RPS6KA2: variants seen among roughly 807,000 people sequenced by gnomAD.
RPS6KA2 encodes ribosomal protein S6 kinase A2.
A neutral mutation model predicts 91.8 loss-of-function variants in RPS6KA2; 42 were observed. That is an observed-to-expected ratio of 0.46 (90% confidence interval 0.36 to 0.59). The LOEUF is 0.59. Ranked by LOEUF, RPS6KA2 falls within the 20% of genes least tolerant of loss-of-function variation. The pLI, the probability that RPS6KA2 is intolerant of heterozygous loss-of-function variation, is 0.00. For missense variants in RPS6KA2, 798 were observed against 978.5 expected (o/e 0.82, Z 2.46); for synonymous variants, 414 against 393.6 (o/e 1.05, Z -0.61).
At chr6:166,768,295 T>G (rs1331415733) in intron 2 of RPS6KA2, among the ~76,000 whole-genome samples, 1 of 152,222 alleles carries the variant, frequency 6.6e-6, no homozygotes, top group East Asian at 1.9e-4. Flanking sequence ...AAAAGTGATT[T>G]TTTTATAAAG....
chr6:166,701,997 G>A, intron 2 of RPS6KA2: 1 of 1,003,204 alleles, frequency 1.0e-6, no homozygotes, highest in Non-Finnish European at 1.6e-6. Flanking sequence ...ATCTTCAAGG[G>A]GATCTCTTCT....
chr6:166,862,483 C>T (rs1045599493), exon 1 of RPS6KA2: 3 of 779,096 alleles, frequency 3.9e-6, no homozygotes, highest in South Asian at 2.1e-5. Context: ...AAGGAGGGGA[C>T]GGCGCTGCGG....
rs116378179 is a variant in RPS6KA2 at position 166,409,940 on chromosome 6, C to A, written c.*2822G>T. ...AGTTAGTTTAAAATCACAGACAAAT[C>A]GGACTTGAGGGTAAAAGTGAAATCC... On this transcript the variant is annotated 3_prime_UTR_variant, in exon 21 of 21. Coordinates refer to ENST00000265678, the MANE Select transcript of RPS6KA2 (RefSeq NM_021135.6). 423 of 152,326 alleles carry A rather than the reference C, an allele frequency of 2.8e-3. No individual in the cohort carries two copies. Among genetic ancestry groups the A allele is most frequent in the African/African-American group, 9.8e-3 (407 of 41,542 alleles). 9.4% of individuals were successfully genotyped at this position (152,326 alleles called of 1,614,324 possible).
chr6:166,793,068 CCT>C (rs1194615692), intron 2 of RPS6KA2, among the ~76,000 whole-genome samples: 3 of 151,906 alleles, frequency 2.0e-5, no homozygotes, highest in African/African-American at 7.3e-5. Context: ...TCAAATTGTC[CCT>C]GTTTGCAGAT....
intron 2 of RPS6KA2, among the ~76,000 whole-genome samples, chr6:166,652,723 C>T (rs1406741744): frequency 2.0e-5 from 3 of 152,114 alleles, no homozygotes; most frequent in East Asian, 1.9e-4. Flanking sequence ...TAATTTCAGG[C>T]GGGGCCCAGA....
At chr6:166,715,426 TG>T (rs1789982126) in intron 2 of RPS6KA2, among the ~76,000 whole-genome samples, 1 of 152,166 alleles carries the variant, frequency 6.6e-6, no homozygotes, top group Non-Finnish European at 1.5e-5. Flanking sequence ...CAAAAAATGC[TG>T]GGTGAGAAGA....
rs545208319 is a variant in RPS6KA2, at chr6:166,679,886, G to A, written c.124-141102C>T. ...CCAGCGCCTGCTGGGCTTGATGGGG[G>A]ACGAGCTCCCTCTGGGCTGCAGGAG... On this transcript the variant is annotated intron_variant, in intron 2 of 21. Coordinates refer to the RPS6KA2 transcript ENST00000503859. Among the ~76,000 whole-genome samples, 4 of 152,384 alleles carry A rather than the reference G, an allele frequency of 2.6e-5. No individual in the cohort carries two copies. In the East Asian group the frequency reaches 5.8e-4, roughly 22 times the overall value.
intron 2 of RPS6KA2, among the ~76,000 whole-genome samples, chr6:166,658,110 G>A (rs778509774): frequency 7.2e-5 from 11 of 152,144 alleles, no homozygotes; most frequent in Non-Finnish European, 1.5e-4. Context: ...TTAAACTCCC[G>A]ACCTCAGGTG....
rs775624343 is a variant in RPS6KA2, at chr6:166,660,764, C to T, written c.124-121980G>A. Among the ~76,000 whole-genome samples the T allele has an allele frequency of 1.4e-4, 22 of 152,116 alleles. 1 individual carries two copies. The highest frequency in any genetic ancestry group is 8.3e-4 in the South Asian group (4 of 4,828). ...TAGTGCTGTCTAGCAGGCGTTTCCT[C>T]GGGTTTTCTGACGGCTGCATAATAT... On this transcript the variant is annotated intron_variant, in intron 2 of 21. Coordinates refer to the RPS6KA2 transcript ENST00000503859.
intron 1 of RPS6KA2, among the ~76,000 whole-genome samples, chr6:166,550,100 T>C (rs1287455030): frequency 6.6e-6 from 1 of 152,178 alleles, no homozygotes; most frequent in Non-Finnish European, 1.5e-5. Flanking sequence ...AGGAAAAATA[T>C]TTATGGAAAA....
In RPS6KA2 at chr6:166,660,359, CGTGTGTGCAT is replaced by C. The variant is rs530740466; in HGVS notation, c.124-121585_124-121576del. On this transcript the variant is annotated intron_variant, in intron 2 of 21. Coordinates refer to the RPS6KA2 transcript ENST00000503859. ...GTGTGTGCGGGTTGGTGTGTGCGTG[CGTGTGTGCAT>C]GTGTGTGCATGTGTATGGGCATGCG... 3.5e-3 allele frequency among the ~76,000 whole-genome samples: 459 copies of C among 129,652 alleles called. 2 individuals are homozygous for C. Among genetic ancestry groups the C allele is most frequent in the South Asian group, 0.012 (48 of 4,164 alleles). 85.1% of individuals were successfully genotyped at this position (129,652 alleles called of 152,430 possible). A position where few individuals can be genotyped will look rare whatever the true frequency, so the allele number is the denominator to read the frequency against.
intron 3 of RPS6KA2, among the ~76,000 whole-genome samples, chr6:166,526,449 AATCCTCCCACCTC>A (rs899689138): frequency 2.0e-5 from 3 of 149,052 alleles, no homozygotes; most frequent in African/African-American, 5.0e-5. Context: ...GGGCTTAAGC[AATCCTCCCACCTC>A]AGCCTCCCAA....
intron 1 of RPS6KA2, among the ~76,000 whole-genome samples, chr6:166,546,183 CAT>C (rs1783821245): frequency 6.6e-6 from 1 of 152,148 alleles, no homozygotes; most frequent in African/African-American, 2.4e-5. Flanking sequence ...TACTGACTGA[CAT>C]GAGTGTATTA....
chr6:166,855,188 T>A (rs1394632205), intron 2 of RPS6KA2, among the ~76,000 whole-genome samples: 1 of 152,124 alleles, frequency 6.6e-6, no homozygotes, highest in African/African-American at 2.4e-5. Flanking sequence ...GGTGGGAGCG[T>A]GGGAGTGGGG....
chr6:166,426,171 T>A (rs1281611805), intron 16 of RPS6KA2, among the ~76,000 whole-genome samples: 1 of 151,964 alleles, frequency 6.6e-6, no homozygotes, highest in Non-Finnish European at 1.5e-5. Context: ...CTCAACTACA[T>A]GGAAACTGAA....
intron 2 of RPS6KA2, among the ~76,000 whole-genome samples, chr6:166,790,163 C>T (rs1054580091): frequency 7.2e-5 from 11 of 151,932 alleles, no homozygotes; most frequent in Non-Finnish European, 1.6e-4. Flanking sequence ...CAGAGAAGTC[C>T]TTAAAGGAGC....
rs762242964 is a variant in RPS6KA2 at position 166,508,174 on chromosome 6, C to T, written c.459+29G>A. 5 of 1,502,402 alleles carry T rather than the reference C, an allele frequency of 3.3e-6. No individual in the cohort carries two copies. Among genetic ancestry groups the T allele is most frequent in the Non-Finnish European group, 4.6e-6 (5 of 1,080,372 alleles). The allele number at this position is 1,502,402 out of a possible 1,614,324, so 93.1% of individuals were successfully genotyped here. On this transcript the variant is annotated intron_variant, in intron 5 of 20. Transcript: ENST00000265678. This position sits in a 1 kb window ranked among gnomAD's most constrained non-coding sequence, Gnocchi z 4.3. ...AGTCCCAGACAGAAGCTCCTGCCCG[C>T]CCTCCTGTGTGATGTGGCGGCTGCT...
At chr6:166,834,459 A>G (rs1583165604) in intron 2 of RPS6KA2, among the ~76,000 whole-genome samples, 1 of 152,220 alleles carries the variant, frequency 6.6e-6, no homozygotes, top group Non-Finnish European at 1.5e-5. Flanking sequence ...GTTGGGGTGT[A>G]TCAGAGGGTA....
intron 2 of RPS6KA2, among the ~76,000 whole-genome samples, chr6:166,813,782 C>T (rs762109741): frequency 2.6e-4 from 40 of 152,154 alleles, no homozygotes; most frequent in African/African-American, 7.5e-4. Context: ...TGACTGAAAA[C>T]TCTTGGAACA....
Sources: allele counts gnomAD v4.1 joint callset (sites outside exome capture counted in the v4.1 genomes callset), GRCh38; gene constraint gnomAD v4.1.1; non-coding constraint Gnocchi (gnomAD v3.1); transcripts MANE v1.5; gene names NCBI Gene and HGNC (gene_info 2026-07-23, HGNC 2026-07-21).